COG2: variants seen among roughly 807,000 people sequenced by gnomAD.
COG2 encodes the protein conserved oligomeric Golgi complex subunit 2.
A neutral mutation model predicts 90.6 loss-of-function variants in COG2; 52 were observed. The observed-to-expected ratio is 0.57, with a 90% CI of 0.46 to 0.72. The LOEUF (loss-of-function observed/expected upper bound fraction) is 0.72. Among genes scored for constraint, COG2 ranks in the 30% least tolerant of loss-of-function variants. The pLI is 0.00. For synonymous variants in COG2, 337 were observed against 320.4 expected, an observed-to-expected ratio of 1.05 and a Z score of -0.55; for missense variants, 829 against 891.2, an observed-to-expected ratio of 0.93 and a Z score of 0.89.
intron 9 of COG2, chr1:230,678,412 T>C (rs908503533): frequency 4.1e-6 from 4 of 985,428 alleles, no homozygotes; most frequent in Non-Finnish European, 4.8e-6. Flanking sequence ...TGCTACGAGT[T>C]AGCTGCCACT....
chr1:230,661,947 T>C (rs945539167), intron 3 of COG2, among the ~76,000 whole-genome samples: 6 of 152,118 alleles, frequency 3.9e-5, no homozygotes, highest in Non-Finnish European at 8.8e-5. Flanking sequence ...TCCTGCCTTC[T>C]TTTCAGTGTA....
intron 6 of COG2, 47 bp downstream of exon 6, chr1:230,668,831 TA>T: frequency 8.6e-7 from 1 of 1,160,464 alleles, no homozygotes; most frequent in Non-Finnish European, 1.3e-6. Context: ...AGGGACTTGC[TA>T]AATAATTCTG....
chr1:230,657,290 G>C (rs1255305110), intron 1 of COG2, among the ~76,000 whole-genome samples: 1 of 152,210 alleles, frequency 6.6e-6, no homozygotes, highest in Non-Finnish European at 1.5e-5. Context: ...GCATTTGCCT[G>C]TCTGTAAAGG....
At chr1:230,651,911 G>A (rs1661922912) in intron 1 of COG2, among the ~76,000 whole-genome samples, 1 of 152,166 alleles carries the variant, frequency 6.6e-6, no homozygotes, top group African/African-American at 2.4e-5. Flanking sequence ...AAAGCACAGA[G>A]GTCCCATCTA....
Position 230,684,389 on chromosome 1 carries a change from C to G in COG2, c.1229-696C>G, listed in dbSNP as rs904490760. On this transcript the variant is annotated intron_variant, in intron 11 of 17. Coordinates refer to ENST00000366669, the MANE Select transcript of COG2 (RefSeq NM_007357.3). ...CACAGCTGGAGCATGCATCCTGGGCCTCCTGTGCCCTGGCCGCCCATCCTA... is the reference window on the plus strand; with the variant it reads ...CACAGCTGGAGCATGCATCCTGGGCGTCCTGTGCCCTGGCCGCCCATCCTA... The G allele has an allele frequency of 2.6e-5, 4 of 152,394 alleles. No individual in the cohort carries two copies. In the East Asian group the frequency reaches 5.8e-4, roughly 22 times the overall value. The allele number at this position is 152,394 out of a possible 1,614,324, so 9.4% of individuals were successfully genotyped here. A position where few individuals can be genotyped will look rare whatever the true frequency, so the allele number is the denominator to read the frequency against.
chr1:230,659,424 T>C (rs1361958089), intron 1 of COG2, 40 bp from the exon 2 acceptor site: 5 of 1,488,014 alleles, frequency 3.4e-6, no homozygotes, highest in Non-Finnish European at 3.8e-6. Context: ...CACTGTGATA[T>C]CATTGCTATA....
chr1:230,650,988 G>T (rs1661902162), intron 1 of COG2, among the ~76,000 whole-genome samples: 1 of 152,172 alleles, frequency 6.6e-6, no homozygotes, highest in African/African-American at 2.4e-5. Flanking sequence ...TTAAAGAATG[G>T]TTTGAAACAC....
intron 11 of COG2, 131 bp from the exon 12 acceptor site, chr1:230,684,954 C>G: frequency 9.3e-7 from 1 of 1,072,846 alleles, no homozygotes; most frequent in Admixed American, 2.3e-5. Context: ...AACAGCTTTG[C>G]TGACCACATG....
chr1:230,688,581 A>T lies in COG2; in HGVS notation c.1794+19A>T. 1 of 1,613,194 alleles carries T rather than the reference A, an allele frequency of 6.2e-7. No individual in the cohort carries two copies. Among genetic ancestry groups the T allele is most frequent in the Non-Finnish European group, 8.5e-7 (1 of 1,179,416 alleles). The stretch of plus-strand genomic sequence containing the variant: ...CAATAAGGTCAGCGCCATTTATGGG[A>T]GAGAATTTTGAGGTGGGGAAGTGTG... On this transcript the variant is annotated intron_variant, in intron 15 of 17. Coordinates refer to ENST00000366669, the MANE Select transcript of COG2 (RefSeq NM_007357.3).
chr1:230,673,352 G>A (rs181615279), intron 8 of COG2, among the ~76,000 whole-genome samples: 147 of 152,182 alleles, frequency 9.7e-4, no homozygotes, highest in African/African-American at 3.4e-3. Context: ...TCCCTTGCTC[G>A]GCTCCTGGCT....
At chr1:230,653,163 C>G (rs1195747563) in intron 1 of COG2, among the ~76,000 whole-genome samples, 1 of 152,032 alleles carries the variant, frequency 6.6e-6, no homozygotes, top group Admixed American at 6.6e-5. Context: ...TCCCCATTCT[C>G]CAGCACCTAG....
At chr1:230,683,411 A>T (rs1177272668) in intron 10 of COG2, 163 bp from the exon 11 acceptor site, 2 of 17,170 alleles carry the variant, frequency 1.2e-4, no homozygotes, top group South Asian at 1.4e-3. Context: ...TGTTCAGTTA[A>T]AAAAAAAAAA....
In COG2 at chr1:230,687,025, A is replaced by G; in HGVS notation, c.1471A>G (p.Asn491Asp). ...GSKEPSITQG[N>D]TEDQGSGPSE... is the part of the protein sequence containing the mutation. ...CAAAGAACCTTCCATCACCCAAGGA[A>G]ACACTGAAGACCAAGGAAGTGGTCC... Residue 491 changes from asparagine to aspartate, a missense_variant, in exon 13 of 18, where the codon AAC (asparagine) becomes GAC (aspartate). Transcript: ENST00000366669. The G allele has an allele frequency of 6.2e-7, 1 of 1,611,986 alleles. No individual in the cohort carries two copies. The highest frequency in any genetic ancestry group is 8.5e-7 in the Non-Finnish European group (1 of 1,178,786).
At chr1:230,663,896 G>A (rs1182094840) in intron 4 of COG2, among the ~76,000 whole-genome samples, 1 of 152,094 alleles carries the variant, frequency 6.6e-6, no homozygotes, top group Non-Finnish European at 1.5e-5. Flanking sequence ...ATATAAGATA[G>A]GGGAAAGAGG....
intron 12 of COG2, 44 bp downstream of exon 12, chr1:230,685,280 A>C: frequency 6.2e-7 from 1 of 1,602,546 alleles, no homozygotes; most frequent in Non-Finnish European, 8.5e-7. Context: ...ATACTGATAA[A>C]AATTAAAGAT....
intron 9 of COG2, among the ~76,000 whole-genome samples, chr1:230,675,339 A>G (rs952299659): frequency 6.6e-6 from 1 of 152,230 alleles, no homozygotes; most frequent in African/African-American, 2.4e-5. Flanking sequence ...TTTATAATAT[A>G]AAGTATAATT....
In COG2 at chr1:230,675,142, G is replaced by T; in HGVS notation, c.1026+18G>T. On this transcript the variant is annotated intron_variant, in intron 9 of 17. Coordinates refer to ENST00000366669, the MANE Select transcript of COG2 (RefSeq NM_007357.3). ...TTCATGAGGTATCTCCCCGCCCGTC[G>T]TCTTGATTCTTGAAGATGTTAACCG... The T allele has an allele frequency of 6.2e-7, 1 of 1,601,786 alleles. No individual in the cohort carries two copies. The highest frequency in any genetic ancestry group is 1.3e-5 in the African/African-American group (1 of 74,618).
intron 3 of COG2, chr1:230,661,610 C>T (rs1212344539): frequency 6.6e-6 from 1 of 152,048 alleles, no homozygotes; most frequent in Non-Finnish European, 1.5e-5. Context: ...CACTTAGCCC[C>T]TAAGACAGTC....
intron 9 of COG2, among the ~76,000 whole-genome samples, chr1:230,676,531 T>C (rs1437944449): frequency 1.3e-5 from 2 of 152,224 alleles, no homozygotes; most frequent in Non-Finnish European, 1.5e-5. Context: ...CTCGTACTTC[T>C]ATTACGTTTT....
Sources: allele counts gnomAD v4.1 joint callset (sites outside exome capture counted in the v4.1 genomes callset), GRCh38; gene constraint gnomAD v4.1.1; transcripts MANE v1.5; gene names NCBI Gene and HGNC (gene_info 2026-07-23, HGNC 2026-07-21).